The following MAGED1 variants were observed in gnomAD, a reference collection of about 807,000 sequenced individuals.
MAGED1 encodes the protein melanoma-associated antigen D1.
MAGED1 carries 3 observed loss-of-function variants against 54.1 expected under a neutral mutation model. That is an observed-to-expected ratio of 0.06 (90% CI 0.03 to 0.14). The LOEUF (loss-of-function observed/expected upper bound fraction) is 0.14, where lower values mean the gene tolerates loss of function less well. MAGED1 is among the 10% of genes least tolerant of loss of function. The pLI, the probability that MAGED1 is intolerant of heterozygous loss-of-function variation, is 1.00. For missense variants in MAGED1, 485 were observed against 623.4 expected (o/e 0.78, Z 2.36); for synonymous variants, 217 against 227.3 (o/e 0.95, Z 0.41).
chrX:51,852,991 G>A, intron 1 of MAGED1, among the ~76,000 whole-genome samples: 1 of 111,792 alleles, frequency 8.9e-6, no homozygotes, highest in Non-Finnish European at 1.9e-5. Context: ...ACTACTGCTT[G>A]ATGAATGAGA....
intron 1 of MAGED1, among the ~76,000 whole-genome samples, chrX:51,885,192 G>T (rs868988217): frequency 8.9e-6 from 1 of 112,170 alleles, no homozygotes; most frequent in Non-Finnish European, 1.9e-5. Flanking sequence ...CAAAAAAAAT[G>T]TATGAGTGTT....
intron 1 of MAGED1, among the ~76,000 whole-genome samples, chrX:51,815,773 G>A (rs1270256215): frequency 9.0e-6 from 1 of 110,674 alleles, no homozygotes; most frequent in Non-Finnish European, 1.9e-5. Flanking sequence ...CGCGCATCTC[G>A]GCTTCCCAAA....
At chrX:51,827,841 T>C (rs1476506172) in intron 1 of MAGED1, among the ~76,000 whole-genome samples, 1 of 112,095 alleles carries the variant, frequency 8.9e-6, no homozygotes, top group Admixed American at 9.4e-5. Flanking sequence ...TTTGTGTGGA[T>C]CTATTTATGG....
At chrX:51,882,549 C>T (rs1467147519) in intron 1 of MAGED1, among the ~76,000 whole-genome samples, 1 of 102,683 alleles carries the variant, frequency 9.7e-6, no homozygotes, top group African/African-American at 3.6e-5. Flanking sequence ...CTTTTTGCTG[C>T]ATACATCCTA....
chrX:51,887,155 A>G (rs1928270590), intron 1 of MAGED1, among the ~76,000 whole-genome samples: 1 of 111,723 alleles, frequency 9.0e-6, no homozygotes, highest in Non-Finnish European at 1.9e-5. Context: ...TTTCTATACT[A>G]AAAACTACAA....
chrX:51,883,404 G>C (rs895866771), intron 1 of MAGED1, among the ~76,000 whole-genome samples: 1 of 111,854 alleles, frequency 8.9e-6, no homozygotes, highest in Admixed American at 9.5e-5. Flanking sequence ...ACTGGTAAAA[G>C]CTGGAACTGT....
At chrX:51,844,904 C>G (rs1213447044) in intron 1 of MAGED1, among the ~76,000 whole-genome samples, 1 of 111,097 alleles carries the variant, frequency 9.0e-6, no homozygotes, top group African/African-American at 3.3e-5. Flanking sequence ...TGTTGGACTT[C>G]TAAAATTCTA....
chrX:51,814,966 T>TAA (rs782352592), intron 1 of MAGED1, among the ~76,000 whole-genome samples: 5 of 72,094 alleles, frequency 6.9e-5, no homozygotes, highest in Non-Finnish European at 1.1e-4. Context: ...ACCTCTCTCT[T>TAA]AAAAAAAAAA....
chrX:51,863,065 G>A (rs1927334871), intron 1 of MAGED1, among the ~76,000 whole-genome samples: 1 of 111,512 alleles, frequency 9.0e-6, no homozygotes, highest in Non-Finnish European at 1.9e-5. Flanking sequence ...TAGATCTCCA[G>A]AACTTACTCA....
upstream of MAGED1, among the ~76,000 whole-genome samples, chrX:51,893,057 C>T (rs782041637): frequency 9.1e-6 from 1 of 110,421 alleles, no homozygotes; most frequent in Non-Finnish European, 1.9e-5. Flanking sequence ...GTTCTTTCTG[C>T]GTCTGGGAGC....
At chrX:51,834,880 C>T (rs1294154538) in intron 1 of MAGED1, among the ~76,000 whole-genome samples, 1 of 111,818 alleles carries the variant, frequency 8.9e-6, no homozygotes, top group Non-Finnish European at 1.9e-5. Flanking sequence ...TGTTCTAAAA[C>T]CTTTAAAGTT....
chrX:51,813,646 T>G (rs1925305575), intron 1 of MAGED1, among the ~76,000 whole-genome samples: 1 of 112,097 alleles, frequency 8.9e-6, no homozygotes, highest in South Asian at 3.8e-4. Flanking sequence ...ATCTGAACAC[T>G]GGAATCAAAA....
intron 1 of MAGED1, among the ~76,000 whole-genome samples, chrX:51,826,424 G>T (rs1925854769): frequency 9.0e-6 from 1 of 111,703 alleles, no homozygotes; most frequent in South Asian, 3.7e-4. Flanking sequence ...TGAGGTTTGT[G>T]TCATAATTTT....
intron 1 of MAGED1, among the ~76,000 whole-genome samples, chrX:51,840,300 A>G (rs1169149606): frequency 9.0e-6 from 1 of 111,329 alleles, no homozygotes; most frequent in Non-Finnish European, 1.9e-5. Context: ...CTAATACACT[A>G]AATATGGATA....
At chrX:51,857,683 C>T (rs1223358206) in intron 1 of MAGED1, 1 of 112,157 alleles carries the variant, frequency 8.9e-6, no homozygotes, top group Non-Finnish European at 1.9e-5. Flanking sequence ...AATGAATATA[C>T]AAAAACCTCC....
In MAGED1 at chrX:51,898,059, TG is replaced by T. The variant is rs1928845386; in HGVS notation, c.1659-51del. On this transcript the variant is annotated intron_variant, in intron 7 of 12. Transcript: ENST00000326587. ...GGGGAGGCTAGATGGGCAAGCTGGT[TG>T]GGGTCTCTCATGCAAATGGCTACTG... The T allele has an allele frequency of 7.4e-6, 8 of 1,084,057 alleles. No individual in the cohort carries two copies. In the East Asian group the frequency reaches 1.8e-4, roughly 24 times the overall value. The allele number at this position is 1,084,057 out of a possible 1,213,427, so 89.3% of individuals were successfully genotyped here.
At chrX:51,858,111 G>A (rs1381133801) in intron 1 of MAGED1, 1 of 112,427 alleles carries the variant, frequency 8.9e-6, no homozygotes, top group African/African-American at 3.2e-5. Flanking sequence ...AGTGTGCCAA[G>A]CACTACAAGA....
intron 1 of MAGED1, among the ~76,000 whole-genome samples, chrX:51,808,633 G>A: frequency 9.0e-6 from 1 of 111,625 alleles, no homozygotes. Flanking sequence ...CGCTTGAGCT[G>A]GGGAGTTTGA....
Position 51,896,810 on chromosome X carries a change from A to G in MAGED1, c.1155A>G (p.Gly385=). ...CACCTGGATGGCAGACTCCACCTGG[A>G]TGGCAGACCCCACCGGGCTGGCAGG... ...QNPPGWQTPP[G]WQTPPGWQGP... is the part of the protein sequence containing the mutation. The change falls in exon 4 of 13, where the codon GGA becomes GGG. Residue 385 remains glycine (G), a synonymous_variant. Coordinates refer to ENST00000326587, the MANE Select transcript of MAGED1 (RefSeq NM_006986.4). The G allele has an allele frequency of 8.3e-7, 1 of 1,207,495 alleles. No individual in the cohort carries two copies.
Sources: gnomAD v4.1 joint callset for allele counts (sites outside exome capture counted in the v4.1 genomes callset) on GRCh38, gnomAD v4.1.1 for gene constraint, MANE v1.5 for transcripts, NCBI Gene and HGNC (gene_info 2026-07-23, HGNC 2026-07-21) for gene names.